CSMD1: variants seen among roughly 807,000 people sequenced by gnomAD.
CSMD1 encodes CUB and Sushi multiple domains 1, also known as CUB and sushi domain-containing protein 1.
A neutral mutation model predicts 417.5 loss-of-function variants in CSMD1; 213 were observed. The observed-to-expected ratio is 0.51, with a 90% CI of 0.46 to 0.57. The LOEUF (loss-of-function observed/expected upper bound fraction) is 0.57. CSMD1 is among the 20% of genes least tolerant of loss of function. The pLI is 0.00. For missense variants in CSMD1, 6,923 were observed against 4,529.7 expected, an observed-to-expected ratio of 1.53 and a Z score of -15.17; for synonymous variants, 2,862 against 1,736.8, an observed-to-expected ratio of 1.65 and a Z score of -16.11.
chr8:4,955,581 G>A (rs897098167), intron 1 of CSMD1, among the ~76,000 whole-genome samples: 2 of 151,758 alleles, frequency 1.3e-5, no homozygotes, highest in Non-Finnish European at 2.9e-5. Context: ...TCAGCCTCCC[G>A]AGTAGCTGAG....
Position 4,542,294 on chromosome 8 carries a change from T to C in CSMD1, c.302+95048A>G, listed in dbSNP as rs551627482. Among the ~76,000 whole-genome samples the C allele has an allele frequency of 5.3e-5, 8 of 152,170 alleles. No homozygotes were observed. The East Asian group carries it at 1.5e-3, about 29-fold the overall frequency. Reference sequence around the variant, plus strand: ...GGATAAACACAGTCAACAAAACCCATGAATATGTTAATATAAATTGTCGTT... The same window carrying C: ...GGATAAACACAGTCAACAAAACCCACGAATATGTTAATATAAATTGTCGTT... On this transcript the variant is annotated intron_variant, in intron 2 of 69. Transcript: ENST00000635120.
chr8:3,245,718 C>G (rs1270041786), intron 26 of CSMD1, among the ~76,000 whole-genome samples: 1 of 152,186 alleles, frequency 6.6e-6, no homozygotes. Context: ...ACCACAGCTA[C>G]CACAGATGAT....
chr8:3,580,224 T>C (rs1205662279), intron 9 of CSMD1, among the ~76,000 whole-genome samples: 1 of 152,180 alleles, frequency 6.6e-6, no homozygotes, highest in East Asian at 1.9e-4. Flanking sequence ...AGCAGGAAAC[T>C]AACAAACACA....
At chr8:3,810,638 CTTTAG>C (rs1449793112) in intron 5 of CSMD1, among the ~76,000 whole-genome samples, 3 of 152,094 alleles carry the variant, frequency 2.0e-5, no homozygotes, top group Admixed American at 6.5e-5. Context: ...GGACTGGAGT[CTTTAG>C]TTTATAAAAC....
At chr8:4,111,813 A>G (rs1026292364) in intron 3 of CSMD1, among the ~76,000 whole-genome samples, 1 of 152,116 alleles carries the variant, frequency 6.6e-6, no homozygotes, top group Non-Finnish European at 1.5e-5. Flanking sequence ...TAGCTAATAC[A>G]TATGGGGCTT....
chr8:4,590,539 G>A (rs886692921), intron 2 of CSMD1, among the ~76,000 whole-genome samples: 2 of 151,878 alleles, frequency 1.3e-5, no homozygotes, highest in African/African-American at 2.4e-5. Flanking sequence ...CTGGAATTAT[G>A]ACACCTCTCC....
intron 3 of CSMD1, among the ~76,000 whole-genome samples, chr8:4,107,269 C>T (rs1178770992): frequency 1.3e-5 from 2 of 152,190 alleles, no homozygotes; most frequent in Admixed American, 1.3e-4. Flanking sequence ...ATTCAAAGTG[C>T]TTGCCATTTC....
intron 3 of CSMD1, among the ~76,000 whole-genome samples, chr8:4,196,769 C>T (rs1041199697): frequency 5.3e-5 from 8 of 152,144 alleles, no homozygotes; most frequent in Admixed American, 1.3e-4. Context: ...ATCTGTAAAC[C>T]CCTTTTTCCC....
intron 3 of CSMD1, among the ~76,000 whole-genome samples, chr8:4,412,089 G>C (rs1038285870): frequency 1.3e-5 from 2 of 151,826 alleles, no homozygotes; most frequent in East Asian, 3.9e-4. Flanking sequence ...CAACGTGCAA[G>C]AGTGCGTGCG....
chr8:4,319,952 G>A (rs148018449), intron 3 of CSMD1, among the ~76,000 whole-genome samples: 3 of 152,154 alleles, frequency 2.0e-5, no homozygotes, highest in African/African-American at 7.2e-5. Context: ...CAAGGCCAAT[G>A]TTTGGATTTT....
intron 1 of CSMD1, among the ~76,000 whole-genome samples, chr8:4,700,499 T>C (rs886160047): frequency 6.6e-6 from 1 of 152,136 alleles, no homozygotes; most frequent in Admixed American, 6.6e-5. Flanking sequence ...TATAAAACTA[T>C]GCATGTTACA....
intron 3 of CSMD1, among the ~76,000 whole-genome samples, chr8:4,219,530 G>C (rs1008332306): frequency 6.8e-6 from 1 of 147,540 alleles, no homozygotes; most frequent in Non-Finnish European, 1.5e-5. Context: ...CACCGCAAAC[G>C]TGACTTAAAC....
intron 1 of CSMD1, among the ~76,000 whole-genome samples, chr8:4,937,211 T>A (rs1014529906): frequency 2.2e-5 from 3 of 136,740 alleles, no homozygotes; most frequent in Admixed American, 7.4e-5. Flanking sequence ...AGGCCCTGTC[T>A]CAAAATAAAT....
At chr8:4,519,864 G>A (rs1005287713) in intron 2 of CSMD1, among the ~76,000 whole-genome samples, 1 of 146,276 alleles carries the variant, frequency 6.8e-6, no homozygotes, top group Non-Finnish European at 1.5e-5. Context: ...AAATTCACTA[G>A]ATTTGGTTCA....
At chr8:4,102,776 A>C (rs930832955) in intron 3 of CSMD1, among the ~76,000 whole-genome samples, 1 of 152,304 alleles carries the variant, frequency 6.6e-6, no homozygotes, top group South Asian at 2.1e-4. Context: ...CAGGACAACA[A>C]AAGGAAGATG....
At chr8:4,507,626 T>A (rs1430692815) in intron 2 of CSMD1, among the ~76,000 whole-genome samples, 1 of 152,150 alleles carries the variant, frequency 6.6e-6, no homozygotes, top group Non-Finnish European at 1.5e-5. Flanking sequence ...TTTCCAATTG[T>A]GACAAAAAAG....
intron 2 of CSMD1, among the ~76,000 whole-genome samples, chr8:4,583,584 G>T (rs754229769): frequency 6.6e-6 from 1 of 152,188 alleles, no homozygotes; most frequent in Non-Finnish European, 1.5e-5. Context: ...CTCAAGGTTT[G>T]TGAGTGCACC....
intron 50 of CSMD1, among the ~76,000 whole-genome samples, chr8:3,037,654 T>G (rs1046409399): frequency 6.6e-6 from 1 of 152,188 alleles, no homozygotes; most frequent in Non-Finnish European, 1.5e-5. Context: ...GGATATGGGA[T>G]TCTTAAGGAC....
intron 10 of CSMD1, among the ~76,000 whole-genome samples, chr8:3,560,849 G>A (rs1393545205): frequency 7.2e-5 from 11 of 152,140 alleles, no homozygotes; most frequent in Non-Finnish European, 1.6e-4. Context: ...TTAGGGTAAA[G>A]GGTCTTTTGT....
Sources: allele counts gnomAD v4.1 joint callset (sites outside exome capture counted in the v4.1 genomes callset), GRCh38; gene constraint gnomAD v4.1.1; transcripts MANE v1.5; gene names NCBI Gene and HGNC (gene_info 2026-07-23, HGNC 2026-07-21).